The following PLCH2 variants were observed in gnomAD, a reference collection of about 807,000 sequenced individuals.
PLCH2 encodes phospholipase C eta 2.
Under a neutral mutation model 134.7 loss-of-function variants are expected in PLCH2, and 98 were observed. That is an observed-to-expected ratio of 0.73 (90% CI 0.62 to 0.86). The LOEUF is 0.86. Ranked by LOEUF, PLCH2 falls within the 40% of genes least tolerant of loss-of-function variation. The probability of loss-of-function intolerance (pLI) is 0.00; values close to 1 mark genes in which losing one functional copy is unlikely to be tolerated. For missense variants in PLCH2, 1,994 were observed against 1,986.6 expected (o/e 1.00, Z -0.07); for synonymous variants, 974 against 827.5 (o/e 1.18, Z -3.04).
At chr1:2,443,868 C>A (rs1296967618) in intron 2 of PLCH2, among the ~76,000 whole-genome samples, 1 of 150,376 alleles carries the variant, frequency 6.6e-6, no homozygotes, top group Non-Finnish European at 1.5e-5. Context: ...AGCCCGGCCG[C>A]TGACTGCGCC....
intron 1 of PLCH2, among the ~76,000 whole-genome samples, chr1:2,429,802 G>T (rs535287851): frequency 6.6e-6 from 1 of 152,264 alleles, no homozygotes; most frequent in East Asian, 1.9e-4. Context: ...CTCCTCCTCG[G>T]GGCCGTGGGG....
upstream of PLCH2, among the ~76,000 whole-genome samples, chr1:2,473,384 G>A (rs911583302): frequency 1.3e-5 from 2 of 152,198 alleles, no homozygotes; most frequent in African/African-American, 4.8e-5. Context: ...GTCACCGTGG[G>A]GCCCGCAGAG....
In PLCH2 at chr1:2,491,327, G is replaced by A. The variant is rs372524237; in HGVS notation, c.1651G>A (p.Gly551Arg). The change falls in exon 11 of 22, where the codon GGA becomes AGA. Residue 551 changes from glycine (G) to arginine (R), a missense_variant. Physicochemically the swap from Gly to Arg is moderately radical, Grantham distance 125. This residue lies in a region of PLCH2 where 1,094 missense variants were observed against 1,234.3 expected (regional missense o/e 0.89). Coordinates refer to ENST00000378486, the MANE Select transcript of PLCH2 (RefSeq NM_014638.4). ...VSTLSPSGKL[G>R]RKSKAEEDVE... ...CACACTGTCCCCATCTGGAAAGCTC[G>A]GACGCAAGGTAGAGGCCAAAAAGGT... The A allele has an allele frequency of 3.8e-5, 61 of 1,612,548 alleles. No homozygotes were observed. The highest frequency in any genetic ancestry group is 3.3e-4 in the Middle Eastern group (2 of 6,058).
intron 1 of PLCH2, among the ~76,000 whole-genome samples, chr1:2,428,010 T>A (rs1463841499): frequency 6.6e-6 from 1 of 152,166 alleles, no homozygotes; most frequent in East Asian, 1.9e-4. Context: ...TCTGCTGGTC[T>A]GTGTGTGGTC....
At chr1:2,436,424 T>TC (rs369804066) in intron 2 of PLCH2, among the ~76,000 whole-genome samples, 11 of 40,500 alleles carry the variant, frequency 2.7e-4, no homozygotes, top group African/African-American at 1.8e-3. Flanking sequence ...CCACCTTTCC[T>TC]CCTTTCTCCC....
chr1:2,450,374 T>C (rs1323770957), intron 2 of PLCH2, among the ~76,000 whole-genome samples: 2 of 151,920 alleles, frequency 1.3e-5, no homozygotes, highest in Non-Finnish European at 2.9e-5. Flanking sequence ...GAGCCTCTGC[T>C]CTACATGAAG....
intron 2 of PLCH2, among the ~76,000 whole-genome samples, chr1:2,455,489 A>G (rs1557964443): frequency 6.6e-6 from 1 of 152,128 alleles, no homozygotes; most frequent in Non-Finnish European, 1.5e-5. Flanking sequence ...GGGTCCCCAG[A>G]GAAGGGCCTA....
chr1:2,504,537 C>A lies in PLCH2; in HGVS notation c.3575C>A (p.Pro1192Gln). Reference protein sequence around the residue: ...PRPHSASAARPDLPPVTKSKS... With the variant: ...PRPHSASAARQDLPPVTKSKS... ...CCCCACTCGGCTTCGGCTGCCCGCC[C>A]AGACCTGCCACCTGTGACCAAGAGC... The change falls in exon 22 of 22, where the codon CCA (proline) becomes CAA (glutamine). Residue 1192 changes from proline (P) to glutamine (Q), a missense_variant. Physicochemically the swap from Pro to Gln is moderately conservative, Grantham distance 76 (BLOSUM62 -1). Around this residue, in one of 2 missense-constraint regions of PLCH2, gnomAD observed 900 missense variants for 752.3 expected, o/e 1.20. Transcript: ENST00000378486. 6.2e-7 allele frequency: 1 copy of A among 1,612,644 alleles called. No individual in the cohort carries two copies. The highest frequency in any genetic ancestry group is 8.5e-7 in the Non-Finnish European group (1 of 1,179,798).
At chr1:2,458,038 G>C (rs1218080624) in intron 2 of PLCH2, among the ~76,000 whole-genome samples, 1 of 152,146 alleles carries the variant, frequency 6.6e-6, no homozygotes, top group Non-Finnish European at 1.5e-5. Flanking sequence ...GGGCTCACTG[G>C]TGCATCCCTG....
chr1:2,416,075 G>A, the PLCH2 span, among the ~76,000 whole-genome samples: 4 of 152,224 alleles, frequency 2.6e-5, no homozygotes, highest in East Asian at 3.9e-4. Context: ...GTGATCTGAC[G>A]CACCAGCAGG....
chr1:2,502,698 C>T (rs993834367), intron 21 of PLCH2: 1 of 709,792 alleles, frequency 1.4e-6, no homozygotes, highest in Non-Finnish European at 2.6e-6. Context: ...AGAGAGGCCC[C>T]CAAGGGTCCT....
chr1:2,452,274 C>G (rs1570305955), intron 2 of PLCH2, among the ~76,000 whole-genome samples: 2 of 152,314 alleles, frequency 1.3e-5, no homozygotes, highest in African/African-American at 2.4e-5. Context: ...GCCGCTGAGG[C>G]CTGGGTCCCC....
intron 2 of PLCH2, among the ~76,000 whole-genome samples, chr1:2,454,981 G>C: frequency 6.6e-6 from 1 of 152,132 alleles, no homozygotes. Context: ...GGGCAGCCAG[G>C]CCTCGGCCCC....
At chr1:2,463,041 C>T (rs1005999203), upstream of PLCH2, among the ~76,000 whole-genome samples, 2 of 152,222 alleles carry the variant, frequency 1.3e-5, no homozygotes, top group Admixed American at 6.5e-5. Context: ...CTCTCCCAGC[C>T]GCAGAGCTGT....
intron 13 of PLCH2, 128 bp from the exon 14 acceptor site, chr1:2,496,479 G>C: frequency 1.3e-6 from 1 of 773,864 alleles, no homozygotes; most frequent in Non-Finnish European, 2.2e-6. Context: ...TCTGGCGTCC[G>C]TCTCTGATGG....
chr1:2,503,378 T>C (rs770372439), intron 21 of PLCH2: 6 of 584,698 alleles, frequency 1.0e-5, no homozygotes, highest in South Asian at 4.1e-5. Flanking sequence ...TGTGGGCAGG[T>C]AGTGCAGCTG....
rs369375844 is a variant in PLCH2, at chr1:2,480,297, G to A, written c.630G>A (p.Val210=). The A allele has an allele frequency of 3.9e-5, 63 of 1,612,414 alleles. No homozygotes were observed. The highest frequency in any genetic ancestry group is 4.7e-5 in the Non-Finnish European group (56 of 1,179,744). ...KLNVNLPRQR[V]KQMFREADTD... is the part of the protein sequence containing the mutation. The stretch of plus-strand genomic sequence containing the variant: ...ACGTGAACCTGCCCCGGCAGAGGGT[G>A]AAGCAGATGTTCAGGGTGAGCTGGG... Residue 210 remains valine (V), a synonymous_variant, in exon 4 of 22, where the codon GTG becomes GTA. Coordinates refer to ENST00000378486, the MANE Select transcript of PLCH2 (RefSeq NM_014638.4).
At chr1:2,476,231 A>G (rs931600420), upstream of PLCH2, 1 of 201,114 alleles carries the variant, frequency 5.0e-6, no homozygotes, top group African/African-American at 2.3e-5. Flanking sequence ...ATCCTCCACC[A>G]GCTGGGCTGG....
chr1:2,460,648 G>A lies in PLCH2; in HGVS notation c.116-17828G>A, dbSNP rs1387280440. ...GGGAGGCCTGGGGCGGCACCCAGGT[G>A]TAAGCTGGGCTGCTCGGGCCTGATG... On this transcript the variant is annotated intron_variant, in intron 2 of 3. Coordinates refer to the PLCH2 transcript ENST00000609981. Among the ~76,000 whole-genome samples, 4 of 152,214 alleles carry A rather than the reference G, an allele frequency of 2.6e-5. No individual in the cohort carries two copies. The South Asian group carries it at 8.3e-4, about 32-fold the overall frequency.
Sources: gnomAD v4.1 joint callset for allele counts (sites outside exome capture counted in the v4.1 genomes callset) on GRCh38, gnomAD v4.1.1 for gene constraint, gnomAD v4.1.1 regional missense constraint, MANE v1.5 for transcripts, NCBI Gene and HGNC (gene_info 2026-07-23, HGNC 2026-07-21) for gene names.